Variants in ARHGAP23 observed in about 807,000 individuals in gnomAD.
ARHGAP23 encodes the protein rho GTPase-activating protein 23.
A neutral mutation model predicts 136.3 loss-of-function variants in ARHGAP23; 34 were observed. That is an observed-to-expected ratio of 0.25 (90% CI 0.19 to 0.33). The LOEUF (loss-of-function observed/expected upper bound fraction) is 0.33, where lower values mean the gene tolerates loss of function less well. Among genes scored for constraint, ARHGAP23 ranks in the 10% least tolerant of loss-of-function variants. The pLI is 1.00. For synonymous variants in ARHGAP23, 832 were observed against 920.5 expected (o/e 0.90, Z 1.74); for missense variants, 1,808 against 2,139.0 (o/e 0.85, Z 3.05).
chr17:38,466,436 C>T lies in ARHGAP23; in HGVS notation c.753C>T (p.Arg251=). Residue 251 remains arginine, a synonymous_variant, in exon 7 of 24, where the codon CGC becomes CGT. Coordinates refer to ENST00000622683, the MANE Select transcript of ARHGAP23 (RefSeq NM_001199417.2). The part of the protein sequence containing the change: ...DNSSLGMSQP[R]PSPGAFPHLS... ...CTTCCTTGGGGATGAGCCAGCCCCG[C>T]CCCAGCCCTGGTGCCTTCCCCCACC... The T allele has an allele frequency of 6.5e-7, 1 of 1,527,394 alleles. No individual in the cohort carries two copies. The highest frequency in any genetic ancestry group is 8.8e-7 in the Non-Finnish European group (1 of 1,139,794). 94.6% of individuals were successfully genotyped at this position (1,527,394 alleles called of 1,614,324 possible). A position where few individuals can be genotyped will look rare whatever the true frequency, so the allele number is the denominator to read the frequency against.
At position 38,500,645 on chromosome 17, in the gene ARHGAP23, T is replaced by C. The variant is rs1300603061; in HGVS notation, c.3447+17T>C. The C allele has an allele frequency of 1.3e-6, 2 of 1,547,714 alleles. No individual in the cohort carries two copies. Among genetic ancestry groups the C allele is most frequent in the South Asian group, 2.4e-5 (2 of 83,912 alleles). On this transcript the variant is annotated intron_variant, in intron 23 of 23. Transcript: ENST00000622683. Reference sequence around the variant, plus strand: ...AAGTCCAAGGTACGTATGAAGGCAATTCTGAAGGCTTGATCCCTGTACAAG... The same window carrying C: ...AAGTCCAAGGTACGTATGAAGGCAACTCTGAAGGCTTGATCCCTGTACAAG...
Position 38,462,866 on chromosome 17 carries a change from C to A in ARHGAP23, c.274C>A (p.Leu92Met). 6.5e-7 allele frequency: 1 copy of A among 1,528,700 alleles called. No individual in the cohort carries two copies. The allele number at this position is 1,528,700 out of a possible 1,614,324, so 94.7% of individuals were successfully genotyped here. The change falls in exon 4 of 24, where the codon CTG becomes ATG. Residue 92 changes from leucine to methionine, a missense_variant. Coordinates refer to ENST00000622683, the MANE Select transcript of ARHGAP23 (RefSeq NM_001199417.2). Reference sequence around the variant, plus strand: ...ACTAGGACCCTCCCCCCGGTACCGCCTGGAGCCCATGGACACCATCTTTGT... The same window carrying A: ...ACTAGGACCCTCCCCCCGGTACCGCATGGAGCCCATGGACACCATCTTTGT... The part of the protein sequence containing the change: ...RGGGPSPRYR[L>M]EPMDTIFVKN...
In ARHGAP23 at chr17:38,467,096, G is replaced by A. The variant is rs1046490434; in HGVS notation, c.1413G>A (p.Pro471=). The A allele has an allele frequency of 1.7e-5, 27 of 1,550,640 alleles. No individual in the cohort carries two copies. Among genetic ancestry groups the A allele is most frequent in the South Asian group, 4.8e-5 (4 of 84,044 alleles). The change falls in exon 7 of 24, where the codon CCG becomes CCA. Residue 471 remains proline (P), a synonymous_variant. Transcript: ENST00000622683. ...EASEPPRVVR[P]EPSTRALEPP... is the part of the protein sequence containing the mutation. ...CCGAGCCACCCAGGGTTGTACGGCC[G>A]GAACCCAGCACCCGGGCCCTGGAGC...
At chr17:38,471,359 AGC>A (rs1280599381) in intron 10 of ARHGAP23, among the ~76,000 whole-genome samples, 1 of 152,210 alleles carries the variant, frequency 6.6e-6, no homozygotes, top group Non-Finnish European at 1.5e-5. Context: ...ATTGGCACCT[AGC>A]TTATTTCTTA....
chr17:38,502,243 T>C (rs2040538485), intron 23 of ARHGAP23, among the ~76,000 whole-genome samples: 1 of 152,006 alleles, frequency 6.6e-6, no homozygotes, highest in East Asian at 1.9e-4. Context: ...GAAGAGGAGG[T>C]TGCAGTGAGC....
chr17:38,471,851 G>T lies in ARHGAP23; in HGVS notation c.1975-12G>T, dbSNP rs1475472836. ...GAGCCACCCTAAATTGTCCTCTGTT[G>T]TCTCCCTGCAGTCCTTGGATAGCTG... On this transcript the variant is annotated splice_polypyrimidine_tract_variant and intron_variant, in intron 10 of 23. Coordinates refer to ENST00000622683, the MANE Select transcript of ARHGAP23 (RefSeq NM_001199417.2). The T allele has an allele frequency of 6.5e-7, 1 of 1,528,414 alleles. No homozygotes were observed. Among genetic ancestry groups the T allele is most frequent in the Non-Finnish European group, 8.8e-7 (1 of 1,135,196 alleles). The allele number at this position is 1,528,414 out of a possible 1,614,324, so 94.7% of individuals were successfully genotyped here.
At chr17:38,469,931 C>T (rs775700064) in intron 10 of ARHGAP23, 27 bp downstream of exon 10, 17 of 1,551,128 alleles carry the variant, frequency 1.1e-5, no homozygotes, top group East Asian at 4.9e-5. Context: ...TGTGTGCGTG[C>T]GCAGGAGCGA....
intron 17 of ARHGAP23, among the ~76,000 whole-genome samples, chr17:38,487,161 G>A (rs1171709037): frequency 1.3e-5 from 2 of 152,322 alleles, no homozygotes; most frequent in East Asian, 1.9e-4. Flanking sequence ...CCAGCACACC[G>A]CTGGTTGAGT....
At chr17:38,479,983 G>A in intron 14 of ARHGAP23, 100 bp downstream of exon 14, 2 of 1,474,962 alleles carry the variant, frequency 1.4e-6, no homozygotes, top group Non-Finnish European at 1.8e-6. Flanking sequence ...GCTCATGTGT[G>A]CCTGACTGTG....
intron 22 of ARHGAP23, chr17:38,498,972 G>A (rs1183477720): frequency 8.6e-5 from 60 of 698,468 alleles, no homozygotes; most frequent in Non-Finnish European, 1.2e-4. Flanking sequence ...GCGGTGTCGC[G>A]GCCTCGGTCA....
rs543768138 is a variant in ARHGAP23, at chr17:38,466,158, T to C, written c.484-9T>C. On this transcript the variant is annotated splice_polypyrimidine_tract_variant and intron_variant, in intron 6 of 23. Transcript: ENST00000622683. ...GGCCCTGCTTACCTGTCTCTGTGTC[T>C]CTGGCCAGGCCTACTCCCAGGATGC... 2.5e-5 allele frequency: 37 copies of C among 1,472,494 alleles called. No individual in the cohort carries two copies. In the South Asian group the frequency reaches 4.9e-4, roughly 19 times the overall value. The allele number at this position is 1,472,494 out of a possible 1,614,324, so 91.2% of individuals were successfully genotyped here.
chr17:38,423,662 C>T (rs751972235), upstream of ARHGAP23, among the ~76,000 whole-genome samples: 7 of 152,104 alleles, frequency 4.6e-5, no homozygotes, highest in South Asian at 2.1e-4. Flanking sequence ...TGTGAGCCAC[C>T]GCGCCTGGCC....
chr17:38,457,984 C>A, intron 1 of ARHGAP23, 118 bp from the exon 2 acceptor site: 2 of 1,298,962 alleles, frequency 1.5e-6, no homozygotes. Flanking sequence ...GCCTGGCAAC[C>A]CTAGGGCGAA....
rs535955124 is a variant in ARHGAP23 at position 38,434,980 on chromosome 17, A to G, written c.63+6432A>G. On this transcript the variant is annotated intron_variant, in intron 1 of 23. Coordinates refer to ENST00000622683, the MANE Select transcript of ARHGAP23 (RefSeq NM_001199417.2). Reference sequence around the variant, plus strand: ...TCTCCCTTATGCTCAAGGTGGAGGAACTCTGTATTGTTCCTGAAAAGGGAC... The same window carrying G: ...TCTCCCTTATGCTCAAGGTGGAGGAGCTCTGTATTGTTCCTGAAAAGGGAC... Among the ~76,000 whole-genome samples, 135 of 152,254 alleles carry G rather than the reference A, an allele frequency of 8.9e-4. 1 individual carries two copies. Among genetic ancestry groups the G allele is most frequent in the African/African-American group, 3.2e-3 (132 of 41,546 alleles).
intron 1 of ARHGAP23, among the ~76,000 whole-genome samples, chr17:38,443,490 C>T (rs761430121): frequency 6.6e-6 from 1 of 152,112 alleles, no homozygotes; most frequent in African/African-American, 2.4e-5. Context: ...TTCTTCTGAC[C>T]AGAGAGCCCA....
intron 10 of ARHGAP23, among the ~76,000 whole-genome samples, chr17:38,471,533 C>T (rs555916354): frequency 8.3e-4 from 126 of 152,332 alleles, no homozygotes; most frequent in African/African-American, 2.8e-3. Flanking sequence ...TTTAACTCCT[C>T]GTTGACACGA....
intron 17 of ARHGAP23, among the ~76,000 whole-genome samples, chr17:38,486,879 A>G (rs1168467447): frequency 3.9e-5 from 6 of 152,200 alleles, no homozygotes; most frequent in Admixed American, 3.3e-4. Context: ...CTTATTCACA[A>G]TCTGTTGTGT....
At chr17:38,494,559 G>C (rs1455642073) in intron 20 of ARHGAP23, among the ~76,000 whole-genome samples, 1 of 150,902 alleles carries the variant, frequency 6.6e-6, no homozygotes, top group Non-Finnish European at 1.5e-5. Context: ...GTGAGACCCT[G>C]ACACACACAC....
chr17:38,461,956 C>G lies in ARHGAP23; in HGVS notation c.254-890C>G, dbSNP rs967270266. Among the ~76,000 whole-genome samples, 7 of 151,192 alleles carry G rather than the reference C, an allele frequency of 4.6e-5. No individual in the cohort carries two copies. The East Asian group carries it at 1.4e-3, about 29-fold the overall frequency. On this transcript the variant is annotated intron_variant, in intron 3 of 23. Transcript: ENST00000622683. ...AGGACAAGGGCTGTGCTTGTTCATCCTTTTTTTTTCTTTTGAGATGGAGTC... is the reference window on the plus strand; with the variant it reads ...AGGACAAGGGCTGTGCTTGTTCATCGTTTTTTTTTCTTTTGAGATGGAGTC...
Sources: allele counts gnomAD v4.1 joint callset (sites outside exome capture counted in the v4.1 genomes callset), GRCh38; gene constraint gnomAD v4.1.1; transcripts MANE v1.5; gene names NCBI Gene and HGNC (gene_info 2026-07-23, HGNC 2026-07-21).